RIF1: variants seen among roughly 807,000 people sequenced by gnomAD.
RIF1 encodes replication timing regulatory factor 1, also known as telomere-associated protein RIF1.
RIF1 carries 45 observed loss-of-function variants against 247.1 expected under a neutral mutation model. The observed-to-expected ratio is 0.18, with a 90% CI of 0.14 to 0.23. The LOEUF is 0.23. RIF1 is among the 10% of genes least tolerant of loss of function. RIF1 has a pLI of 1.00. For synonymous variants in RIF1, 1,087 were observed against 978.8 expected, an observed-to-expected ratio of 1.11 and a Z score of -2.06; for missense variants, 2,967 against 2,862.5, an observed-to-expected ratio of 1.04 and a Z score of -0.83.
chr2:151,412,193 G>T (rs1323849901), intron 3 of RIF1, among the ~76,000 whole-genome samples: 9 of 152,080 alleles, frequency 5.9e-5, no homozygotes, highest in Admixed American at 5.9e-4. Context: ...ATGGCTTCCT[G>T]ACTATCCTTA....
intron 14 of RIF1, 21 bp downstream of exon 14, chr2:151,438,767 C>G: frequency 6.5e-7 from 1 of 1,540,126 alleles, no homozygotes; most frequent in Non-Finnish European, 9.0e-7. Flanking sequence ...TTACACTGAT[C>G]AAATGTTGTT....
At chr2:151,453,003 A>G (rs1277583031) in intron 21 of RIF1, among the ~76,000 whole-genome samples, 1 of 152,210 alleles carries the variant, frequency 6.6e-6, no homozygotes, top group Non-Finnish European at 1.5e-5. Context: ...AGACTAACCG[A>G]AAGGAAATTG....
At chr2:151,498,593 G>C (rs2061992859) in intron 10 of RIF1, among the ~76,000 whole-genome samples, 1 of 152,140 alleles carries the variant, frequency 6.6e-6, no homozygotes, top group South Asian at 2.1e-4. Context: ...TTCATTGTTT[G>C]AACTAATCTC....
chr2:151,431,786 A>AATGG (rs1690184746), intron 9 of RIF1, among the ~76,000 whole-genome samples: 1 of 150,738 alleles, frequency 6.6e-6, no homozygotes, highest in East Asian at 1.9e-4. Flanking sequence ...TCTCTGAATG[A>AATGG]ATGAATGAAT....
intron 13 of RIF1, among the ~76,000 whole-genome samples, chr2:151,438,146 T>G (rs774383150): frequency 6.6e-6 from 1 of 152,224 alleles, no homozygotes; most frequent in African/African-American, 2.4e-5. Flanking sequence ...TACCCTTAGT[T>G]ACACAATTCA....
intron 32 of RIF1, 39 bp downstream of exon 32, chr2:151,468,590 C>A: frequency 6.2e-7 from 1 of 1,601,842 alleles, no homozygotes; most frequent in Admixed American, 1.7e-5. Context: ...TTTATATTTT[C>A]ATGTTCAGTC....
intron 12 of RIF1, among the ~76,000 whole-genome samples, chr2:151,505,040 A>C (rs1027189164): frequency 1.3e-5 from 2 of 152,186 alleles, no homozygotes; most frequent in Non-Finnish European, 2.9e-5. Flanking sequence ...TATCATTCAT[A>C]TGATGTGTCA....
chr2:151,435,441 G>A (rs376087715), intron 10 of RIF1, 22 bp from the exon 11 acceptor site: 46 of 1,308,806 alleles, frequency 3.5e-5, no homozygotes, highest in South Asian at 4.7e-5. Context: ...TTTATAGATC[G>A]ATGTTTTCTT....
At chr2:151,417,425 A>T (rs1422572643) in intron 6 of RIF1, among the ~76,000 whole-genome samples, 1 of 152,162 alleles carries the variant, frequency 6.6e-6, no homozygotes, top group African/African-American at 2.4e-5. Context: ...GCTCTGATTG[A>T]TGCTAAGATT....
intron 21 of RIF1, 49 bp downstream of exon 21, chr2:151,451,754 T>A: frequency 1.0e-6 from 1 of 980,244 alleles, no homozygotes. Context: ...TCATAAGCAG[T>A]ACTGAACTTT....
intron 9 of RIF1, among the ~76,000 whole-genome samples, chr2:151,429,747 C>A (rs961938210): frequency 1.3e-5 from 2 of 152,080 alleles, no homozygotes; most frequent in Non-Finnish European, 2.9e-5. Context: ...GGAAGTCATT[C>A]TTTTTGATTT....
chr2:151,514,316 A>G, the RIF1 span: 3 of 1,595,672 alleles, frequency 1.9e-6, no homozygotes, highest in African/African-American at 1.3e-5. Flanking sequence ...CTGTGGGCCT[A>G]CCTCATTGAG....
At chr2:151,524,284 A>G in the RIF1 span, 2 of 1,578,604 alleles carry the variant, frequency 1.3e-6, no homozygotes, top group Non-Finnish European at 1.7e-6. Flanking sequence ...CTCACATGAG[A>G]GCCACCAGTG....
At chr2:151,531,376 G>T in the RIF1 span, among the ~76,000 whole-genome samples, 2 of 137,936 alleles carry the variant, frequency 1.4e-5, no homozygotes, top group African/African-American at 2.7e-5. Context: ...GAGTGCAGTG[G>T]CATGATCTTG....
intron 11 of RIF1, chr2:151,501,539 A>ACTT: frequency 9.8e-7 from 1 of 1,018,904 alleles, no homozygotes; most frequent in Non-Finnish European, 1.3e-6. Context: ...TTTTAGGTAG[A>ACTT]CTTAACCTAA....
chr2:151,516,551 C>T, the RIF1 span: 48 of 1,607,606 alleles, frequency 3.0e-5, no homozygotes, highest in Non-Finnish European at 4.0e-5. Context: ...TCATACTTTT[C>T]TTTGTATTTC....
At chr2:151,415,639 C>T (rs1225888983) in intron 4 of RIF1, among the ~76,000 whole-genome samples, 6 of 148,348 alleles carry the variant, frequency 4.0e-5, no homozygotes, top group Non-Finnish European at 8.9e-5. Flanking sequence ...TTTGGGAGGC[C>T]GAGGCGGGTG....
intron 12 of RIF1, 87 bp from the exon 13 acceptor site, chr2:151,437,154 T>C (rs1691380553): frequency 1.6e-6 from 2 of 1,239,332 alleles, no homozygotes; most frequent in African/African-American, 1.5e-5. Context: ...ACACACCTAC[T>C]TAATAGACAT....
At chr2:151,450,912 C>G (rs1393429444) in intron 20 of RIF1, among the ~76,000 whole-genome samples, 2 of 152,172 alleles carry the variant, frequency 1.3e-5, no homozygotes, top group Admixed American at 1.3e-4. Flanking sequence ...TTTGTTTCCA[C>G]TGGGTTTAGT....
Sources: allele counts gnomAD v4.1 joint callset (sites outside exome capture counted in the v4.1 genomes callset), GRCh38; gene constraint gnomAD v4.1.1; transcripts MANE v1.5; gene names NCBI Gene and HGNC (gene_info 2026-07-23, HGNC 2026-07-21).